PPP1R12B: variants seen among roughly 807,000 people sequenced by gnomAD.
PPP1R12B encodes protein phosphatase 1 regulatory subunit 12B, also known as myosin phosphatase target subunit 2.
A neutral mutation model predicts 126.1 loss-of-function variants in PPP1R12B; 76 were observed. The observed-to-expected ratio is 0.60, with a 90% confidence interval of 0.50 to 0.73. The LOEUF (loss-of-function observed/expected upper bound fraction) is 0.73. Among genes scored for constraint, PPP1R12B ranks in the 30% least tolerant of loss-of-function variants. The pLI is 0.00. For missense variants in PPP1R12B, 1,052 were observed against 1,205.1 expected (o/e 0.87, Z 1.88); for synonymous variants, 356 against 434.7 (o/e 0.82, Z 2.25).
chr1:202,401,732 A>G (rs1665873909), intron 1 of PPP1R12B, among the ~76,000 whole-genome samples: 1 of 152,184 alleles, frequency 6.6e-6, no homozygotes, highest in South Asian at 2.1e-4. Context: ...AGCTGTGGAA[A>G]GATTAGGATG....
chr1:202,502,089 G>T (rs1371768747), intron 18 of PPP1R12B: 1 of 985,680 alleles, frequency 1.0e-6, no homozygotes, highest in Non-Finnish European at 1.2e-6. Context: ...GATAAATCAG[G>T]TGGCACTCAA....
chr1:202,404,634 G>A (rs2148574796), intron 1 of PPP1R12B, among the ~76,000 whole-genome samples: 1 of 152,216 alleles, frequency 6.6e-6, no homozygotes, highest in South Asian at 2.1e-4. Context: ...TGAGTAGCTG[G>A]GACTGCAGGC....
At position 202,558,878 on chromosome 1, in the gene PPP1R12B, A is replaced by G. The variant is rs1558372683; in HGVS notation, c.2492A>G (p.His831Arg). The G allele has an allele frequency of 1.9e-6, 3 of 1,570,060 alleles. No individual in the cohort carries two copies. The highest frequency in any genetic ancestry group is 1.7e-4 in the Middle Eastern group (1 of 5,962). Residue 831 changes from histidine (H) to arginine (R), a missense_variant and splice_region_variant, in exon 19 of 24, where the codon CAT (histidine) becomes CGT (arginine). His to Arg is a conservative substitution (Grantham distance 29). Coordinates refer to ENST00000608999, the MANE Select transcript of PPP1R12B (RefSeq NM_002481.4). ...TTTGTTTTTGTCTCCTTTCTCTAGC[A>G]TGAAAGACTTTCTAGGTAAGAACTC... is the stretch of plus-strand genomic sequence containing the variant. ...DGSEEVKETW[H>R]ERLSRLESGG...
At chr1:202,410,044 T>C (rs1667186258) in intron 1 of PPP1R12B, 1 of 152,208 alleles carries the variant, frequency 6.6e-6, no homozygotes, top group African/African-American at 2.4e-5. Context: ...TGGATATTAA[T>C]CCCATACAGA....
chr1:202,502,207 G>A, intron 18 of PPP1R12B: 1 of 984,960 alleles, frequency 1.0e-6, no homozygotes, highest in East Asian at 1.1e-4. Context: ...AAAACTGATT[G>A]GTAAAGGAGA....
At chr1:202,433,538 C>G (rs1222347943) in intron 8 of PPP1R12B, among the ~76,000 whole-genome samples, 1 of 152,234 alleles carries the variant, frequency 6.6e-6, no homozygotes, top group East Asian at 1.9e-4. Context: ...CTAGCTCTAG[C>G]TGACCTTTCC....
chr1:202,528,156 T>C (rs999875507), intron 18 of PPP1R12B, among the ~76,000 whole-genome samples: 5 of 152,198 alleles, frequency 3.3e-5, no homozygotes, highest in African/African-American at 4.8e-5. Context: ...GAAAAAAATT[T>C]GTTTTGTTTT....
intron 13 of PPP1R12B, among the ~76,000 whole-genome samples, chr1:202,465,402 T>C (rs920411967): frequency 3.9e-5 from 6 of 152,212 alleles, no homozygotes; most frequent in Non-Finnish European, 5.9e-5. Context: ...AATGAGTCTT[T>C]GTATAGGGAA....
At chr1:202,406,208 T>C (rs1260614749) in intron 1 of PPP1R12B, among the ~76,000 whole-genome samples, 1 of 152,224 alleles carries the variant, frequency 6.6e-6, no homozygotes, top group African/African-American at 2.4e-5. Context: ...CAATTTACTC[T>C]ACATGCCAAC....
chr1:202,506,539 A>G (rs1572324029), intron 18 of PPP1R12B, among the ~76,000 whole-genome samples: 2 of 152,340 alleles, frequency 1.3e-5, no homozygotes, highest in East Asian at 1.9e-4. Flanking sequence ...TCTTTGAGGT[A>G]TCTGTTTGGA....
At chr1:202,404,209 GT>G (rs1666255215) in intron 1 of PPP1R12B, among the ~76,000 whole-genome samples, 1 of 152,080 alleles carries the variant, frequency 6.6e-6, no homozygotes, top group Non-Finnish European at 1.5e-5. Context: ...GGCTGTCAAC[GT>G]ATCCTACCAG....
chr1:202,489,712 G>T (rs1678616113), intron 14 of PPP1R12B, among the ~76,000 whole-genome samples: 1 of 152,180 alleles, frequency 6.6e-6, no homozygotes, highest in African/African-American at 2.4e-5. Flanking sequence ...AGGCAGAATG[G>T]TGAGTATGTG....
rs1023449395 is a variant in PPP1R12B at position 202,424,306 on chromosome 1, A to C, written c.542-1260A>C. 6.5e-4 allele frequency among the ~76,000 whole-genome samples: 98 copies of C among 150,916 alleles called. 1 individual carries two copies. Among genetic ancestry groups the C allele is most frequent in the African/African-American group, 2.4e-3 (97 of 41,082 alleles). ...TCCCAAAATCACACAGATAATACTT[A>C]GGTAGTTGACAGGTTCTCTCTTTTT... On this transcript the variant is annotated intron_variant, in intron 3 of 23. Transcript: ENST00000608999.
intron 13 of PPP1R12B, among the ~76,000 whole-genome samples, chr1:202,464,043 T>G (rs989401799): frequency 9.9e-5 from 15 of 152,284 alleles, no homozygotes; most frequent in African/African-American, 2.6e-4. Context: ...CTTCTTTGCT[T>G]AACAAAATTG....
At chr1:202,533,893 T>C (rs1399568251) in intron 18 of PPP1R12B, among the ~76,000 whole-genome samples, 1 of 152,230 alleles carries the variant, frequency 6.6e-6, no homozygotes, top group Non-Finnish European at 1.5e-5. Flanking sequence ...ATGTGGTACT[T>C]TGAGATTGTG....
At chr1:202,486,306 A>G (rs976631269) in intron 13 of PPP1R12B, among the ~76,000 whole-genome samples, 1 of 152,172 alleles carries the variant, frequency 6.6e-6, no homozygotes. Flanking sequence ...TTTAAAAAAT[A>G]TTAAAGGATC....
chr1:202,356,925 G>A (rs967527079), intron 1 of PPP1R12B, among the ~76,000 whole-genome samples: 1 of 151,668 alleles, frequency 6.6e-6, no homozygotes, highest in South Asian at 2.1e-4. Context: ...GGGATCAAGC[G>A]ATTCTCCTGC....
chr1:202,349,384 T>C (rs1273608145), intron 1 of PPP1R12B, among the ~76,000 whole-genome samples: 1 of 152,222 alleles, frequency 6.6e-6, no homozygotes, highest in Non-Finnish European at 1.5e-5. Context: ...TCCCTCCACC[T>C]ACTTGTGTTG....
At chr1:202,436,777 C>T (rs1670877823) in intron 9 of PPP1R12B, among the ~76,000 whole-genome samples, 2 of 151,854 alleles carry the variant, frequency 1.3e-5, no homozygotes, top group African/African-American at 4.8e-5. Context: ...AAGAAAACAT[C>T]TTTCAGAATG....
Sources: gnomAD v4.1 joint callset for allele counts (sites outside exome capture counted in the v4.1 genomes callset) on GRCh38, gnomAD v4.1.1 for gene constraint, MANE v1.5 for transcripts, NCBI Gene and HGNC (gene_info 2026-07-23, HGNC 2026-07-21) for gene names.